Variants in RAD51B observed in about 807,000 individuals in gnomAD.
The protein encoded by RAD51B is RAD51 paralog B.
RAD51B carries 38 observed loss-of-function variants against 42.2 expected under a neutral mutation model. That is an observed-to-expected ratio of 0.90 (90% confidence interval 0.70 to 1.18). RAD51B has a LOEUF of 1.18. Ranked by LOEUF, RAD51B falls within the 50% of genes most tolerant of loss-of-function variation. The probability of loss-of-function intolerance (pLI) is 0.00; values close to 1 mark genes in which losing one functional copy is unlikely to be tolerated. For synonymous variants in RAD51B, 154 were observed against 145.2 expected, an observed-to-expected ratio of 1.06 and a Z score of -0.43; for missense variants, 373 against 400.7, an observed-to-expected ratio of 0.93 and a Z score of 0.59.
Position 68,477,731 on chromosome 14 carries a change from C to T in RAD51B, c.*67C>T. 6.3e-7 allele frequency: 1 copy of T among 1,578,824 alleles called. No homozygotes were observed. Among genetic ancestry groups the T allele is most frequent in the South Asian group, 1.2e-5 (1 of 84,650 alleles). ...TGTGAAATAAAACAGGACCGTACTG[C>T]TTGGAAGAAGGAAACGGAAGCTGAC... On this transcript the variant is annotated 3_prime_UTR_variant, in exon 11 of 11. Transcript: ENST00000471583.
At chr14:68,674,007 A>G (rs147277675) in intron 11 of RAD51B, among the ~76,000 whole-genome samples, 7 of 152,270 alleles carry the variant, frequency 4.6e-5, no homozygotes, top group Non-Finnish European at 8.8e-5. Flanking sequence ...ATATACATCC[A>G]CACATGTACA....
chr14:68,617,736 A>G (rs936862531), intron 10 of RAD51B, among the ~76,000 whole-genome samples: 3 of 152,116 alleles, frequency 2.0e-5, no homozygotes, highest in South Asian at 2.1e-4. Flanking sequence ...TCTTTATCTC[A>G]TGGGTCATAG....
intron 7 of RAD51B, among the ~76,000 whole-genome samples, chr14:67,922,087 T>C (rs2044345448): frequency 6.6e-6 from 1 of 152,258 alleles, no homozygotes; most frequent in Non-Finnish European, 1.5e-5. Context: ...CAGTGTGTCC[T>C]TCTTGCAGAT....
Position 68,081,312 on chromosome 14 carries a change from C to T in RAD51B, c.756+194108C>T, listed in dbSNP as rs534210504. Among the ~76,000 whole-genome samples the T allele has an allele frequency of 1.2e-4, 19 of 152,208 alleles. No individual in the cohort carries two copies. In the South Asian group the frequency reaches 3.7e-3, roughly 30 times the overall value. On this transcript the variant is annotated intron_variant, in intron 7 of 10. Transcript: ENST00000471583. ...TCTGAAGTGGCCAGAGATTCAAATG[C>T]CTCTTGAGCCTCCTCCTCGCATGTG...
At chr14:68,581,288 G>A (rs1295284379) in intron 10 of RAD51B, among the ~76,000 whole-genome samples, 2 of 152,180 alleles carry the variant, frequency 1.3e-5, no homozygotes, top group African/African-American at 4.8e-5. Context: ...TCAGCCAGCT[G>A]GTTGGGAGGG....
intron 10 of RAD51B, among the ~76,000 whole-genome samples, chr14:68,622,464 C>T (rs1405703246): frequency 2.6e-5 from 4 of 152,042 alleles, no homozygotes; most frequent in African/African-American, 9.7e-5. Flanking sequence ...AAAGGGAGTT[C>T]TTAGGAGGTC....
chr14:68,087,136 A>C (rs1441245696), intron 7 of RAD51B, among the ~76,000 whole-genome samples: 3 of 139,426 alleles, frequency 2.2e-5, no homozygotes, highest in Non-Finnish European at 4.7e-5. Context: ...ACGCCATCTC[A>C]AAAAAAAAAA....
intron 8 of RAD51B, among the ~76,000 whole-genome samples, chr14:68,379,558 T>C (rs2083438319): frequency 6.6e-6 from 1 of 152,098 alleles, no homozygotes; most frequent in South Asian, 2.1e-4. Flanking sequence ...ACTCCCACCA[T>C]AGGGAGAAGA....
intron 7 of RAD51B, among the ~76,000 whole-genome samples, chr14:68,077,595 A>G (rs1170529820): frequency 1.3e-5 from 2 of 152,200 alleles, no homozygotes; most frequent in African/African-American, 2.4e-5. Flanking sequence ...CAAAACCCCA[A>G]TCCGTTCTCC....
At chr14:68,525,691 A>T (rs965444553) in intron 10 of RAD51B, among the ~76,000 whole-genome samples, 1 of 152,146 alleles carries the variant, frequency 6.6e-6, no homozygotes, top group Non-Finnish European at 1.5e-5. Flanking sequence ...CTATAGCATT[A>T]CAACAAGCTG....
intron 10 of RAD51B, among the ~76,000 whole-genome samples, chr14:68,490,730 A>T (rs1337123646): frequency 1.3e-5 from 2 of 152,208 alleles, no homozygotes; most frequent in East Asian, 3.8e-4. Context: ...ATTCAGCAAC[A>T]AAGAGCGTGG....
intron 7 of RAD51B, among the ~76,000 whole-genome samples, chr14:68,178,737 G>A (rs957247425): frequency 6.6e-6 from 1 of 152,150 alleles, no homozygotes; most frequent in Non-Finnish European, 1.5e-5. Flanking sequence ...GGAGTTCTCA[G>A]TAAAGCACCA....
Position 68,585,461 on chromosome 14 carries a change from G to A in RAD51B, c.1037-9024G>A, listed in dbSNP as rs939520380. ...GACGAGGAGCCCCAGGCGGGAGGCT[G>A]ATGGGCTAAACAAGCAACCAAGGAA... On this transcript the variant is annotated intron_variant, in intron 10 of 10. Coordinates refer to the RAD51B transcript ENST00000487270. Among the ~76,000 whole-genome samples the A allele has an allele frequency of 5.3e-5, 8 of 152,280 alleles. No individual in the cohort carries two copies. The East Asian group carries it at 1.2e-3, about 22-fold the overall frequency.
At chr14:68,545,591 G>A (rs1169337121) in intron 10 of RAD51B, 1 of 456,084 alleles carries the variant, frequency 2.2e-6, no homozygotes, top group South Asian at 1.5e-5. Flanking sequence ...CCCAAAGGAA[G>A]GGGCCATTGT....
chr14:68,238,765 A>G (rs796526811), intron 7 of RAD51B, among the ~76,000 whole-genome samples: 30 of 152,300 alleles, frequency 2.0e-4, no homozygotes, highest in African/African-American at 7.0e-4. Flanking sequence ...AATTAATTCT[A>G]TCAGTTTGGG....
rs182957651 is a variant in RAD51B at position 68,087,071 on chromosome 14, G to A, written c.756+199867G>A. Among the ~76,000 whole-genome samples, 540 of 151,692 alleles carry A rather than the reference G, an allele frequency of 3.6e-3. 1 individual carries two copies. Among genetic ancestry groups the A allele is most frequent in the African/African-American group, 0.013 (517 of 41,302 alleles). On this transcript the variant is annotated intron_variant, in intron 7 of 10. Transcript: ENST00000471583. The stretch of plus-strand genomic sequence containing the variant: ...AACCACTGGAACCCAGGTGGTGGAG[G>A]TTGCAGTGAGCCAAGATTGCACCAT...
chr14:68,657,516 A>G (rs1440800929), intron 11 of RAD51B, among the ~76,000 whole-genome samples: 1 of 152,232 alleles, frequency 6.6e-6, no homozygotes, highest in African/African-American at 2.4e-5. Flanking sequence ...TAATATACTA[A>G]GTGAGCCTGG....
chr14:68,056,672 C>T (rs997657919), intron 7 of RAD51B, among the ~76,000 whole-genome samples: 7 of 151,796 alleles, frequency 4.6e-5, no homozygotes, highest in African/African-American at 1.2e-4. Context: ...ATCTTGAATC[C>T]GGGAGGCAGA....
chr14:68,080,158 T>C (rs569255206), intron 7 of RAD51B, among the ~76,000 whole-genome samples: 115 of 152,328 alleles, frequency 7.5e-4, no homozygotes, highest in African/African-American at 2.6e-3. Context: ...TTCCCTTTTC[T>C]GCTTCATGTC....
Sources: gnomAD v4.1 joint callset for allele counts (sites outside exome capture counted in the v4.1 genomes callset) on GRCh38, gnomAD v4.1.1 for gene constraint, MANE v1.5 for transcripts, NCBI Gene and HGNC (gene_info 2026-07-23, HGNC 2026-07-21) for gene names.